GOSR1: variants seen among roughly 807,000 people sequenced by gnomAD.
The protein encoded by GOSR1 is 28 kDa Golgi SNARE protein.
GOSR1 carries 21 observed loss-of-function variants against 35.5 expected under a neutral mutation model. The observed-to-expected ratio is 0.59, with a 90% CI of 0.42 to 0.85. The LOEUF (loss-of-function observed/expected upper bound fraction) is 0.85, where lower values mean the gene tolerates loss of function less well. Ranked by LOEUF, GOSR1 falls within the 40% of genes least tolerant of loss-of-function variation. The pLI is 0.00. For synonymous variants in GOSR1, 94 were observed against 106.6 expected, an observed-to-expected ratio of 0.88 and a Z score of 0.73; for missense variants, 285 against 309.6, an observed-to-expected ratio of 0.92 and a Z score of 0.60.
At position 30,488,463 on chromosome 17, in the gene GOSR1, C is replaced by T. The variant is rs1914819521; in HGVS notation, c.343-1663C>T. ...ACAGGCGTGAGCCACTGCGCCCAGCCTAAATATAGTTTTTTTTAAAATAAA... is the reference window on the plus strand; with the variant it reads ...ACAGGCGTGAGCCACTGCGCCCAGCTTAAATATAGTTTTTTTTAAAATAAA... On this transcript the variant is annotated intron_variant, in intron 4 of 8. Transcript: ENST00000451249. Among the ~76,000 whole-genome samples, 4 of 151,730 alleles carry T rather than the reference C, an allele frequency of 2.6e-5. No homozygotes were observed. The South Asian group carries it at 8.3e-4, about 32-fold the overall frequency.
intron 7 of GOSR1, among the ~76,000 whole-genome samples, chr17:30,515,294 A>ATTTTTTTTTTTTTTTTTTTTT (rs35911853): frequency 7.2e-6 from 1 of 139,524 alleles, no homozygotes. Context: ...TGCCCAGCTA[A>ATTTTTTTTTTTTTTTTTTTTT]TTTTTTTTTT....
Position 30,500,013 on chromosome 17 carries a change from T to C in GOSR1, c.509+7260T>C, listed in dbSNP as rs79450869. 2.4e-4 allele frequency among the ~76,000 whole-genome samples: 37 copies of C among 152,348 alleles called. 3 individuals are homozygous for C. The East Asian group carries it at 7.1e-3, about 29-fold the overall frequency. Reference sequence around the variant, plus strand: ...AGTAAGGGGGTCTGTTCAAGTCTTTTTGCCTTTTGTTGTGGGCTTTTTTCT... The same window carrying C: ...AGTAAGGGGGTCTGTTCAAGTCTTTCTGCCTTTTGTTGTGGGCTTTTTTCT... On this transcript the variant is annotated intron_variant, in intron 6 of 8. Transcript: ENST00000451249.
At chr17:30,499,858 G>T (rs981315801) in intron 6 of GOSR1, among the ~76,000 whole-genome samples, 1 of 152,076 alleles carries the variant, frequency 6.6e-6, no homozygotes, top group Non-Finnish European at 1.5e-5. Flanking sequence ...TTTTTATTGT[G>T]GTTTTGATTT....
chr17:30,499,058 T>C (rs923321378), intron 6 of GOSR1, among the ~76,000 whole-genome samples: 2 of 152,204 alleles, frequency 1.3e-5, no homozygotes, highest in African/African-American at 2.4e-5. Context: ...TTTCTATCAC[T>C]ATAGATTAGT....
intron 2 of GOSR1, among the ~76,000 whole-genome samples, chr17:30,483,432 TTTCC>T (rs1914480092): frequency 6.6e-6 from 1 of 152,236 alleles, no homozygotes; most frequent in African/African-American, 2.4e-5. Flanking sequence ...AGAGCAGTTT[TTTCC>T]TTCCTTCATG....
At chr17:30,503,991 A>C (rs931952608) in intron 6 of GOSR1, among the ~76,000 whole-genome samples, 1 of 150,416 alleles carries the variant, frequency 6.6e-6, no homozygotes, top group Non-Finnish European at 1.5e-5. Context: ...ATTTGGGATT[A>C]TAATTTTCAT....
intron 6 of GOSR1, among the ~76,000 whole-genome samples, chr17:30,505,911 A>G (rs961432140): frequency 6.6e-6 from 1 of 152,232 alleles, no homozygotes; most frequent in African/African-American, 2.4e-5. Flanking sequence ...AATTGTTTGT[A>G]TAGACAAGGT....
chr17:30,498,909 G>A (rs1001521873), intron 6 of GOSR1, among the ~76,000 whole-genome samples: 1 of 152,124 alleles, frequency 6.6e-6, no homozygotes, highest in African/African-American at 2.4e-5. Flanking sequence ...TTTACAGTTT[G>A]GTACGTTTTA....
intron 1 of GOSR1, chr17:30,477,880 T>C (rs915660339): frequency 8.1e-6 from 8 of 985,152 alleles, no homozygotes; most frequent in Non-Finnish European, 9.6e-6. Context: ...GAGGTCACTA[T>C]TGGAAAACTG....
At chr17:30,499,825 C>T (rs967586154) in intron 6 of GOSR1, among the ~76,000 whole-genome samples, 9 of 152,132 alleles carry the variant, frequency 5.9e-5, no homozygotes, top group African/African-American at 1.7e-4. Flanking sequence ...TCTATTGTAA[C>T]CATTTTAGTA....
At chr17:30,480,214 G>GC (rs1914244797) in intron 1 of GOSR1, 1 of 151,880 alleles carries the variant, frequency 6.6e-6, no homozygotes, top group Non-Finnish European at 1.5e-5. Flanking sequence ...GGTAGTTGAG[G>GC]CATGAGAGTT....
intron 6 of GOSR1, among the ~76,000 whole-genome samples, chr17:30,504,606 T>C (rs1457160337): frequency 6.6e-6 from 1 of 152,222 alleles, no homozygotes; most frequent in Non-Finnish European, 1.5e-5. Context: ...TAAAATGTGA[T>C]TTAAATTGGT....
At chr17:30,479,207 T>C (rs1914166112) in intron 1 of GOSR1, 1 of 152,252 alleles carries the variant, frequency 6.6e-6, no homozygotes, top group African/African-American at 2.4e-5. Context: ...TGAAATAATG[T>C]TTTGTATTCT....
At chr17:30,487,892 C>T (rs562226706) in intron 4 of GOSR1, among the ~76,000 whole-genome samples, 1 of 152,188 alleles carries the variant, frequency 6.6e-6, no homozygotes, top group Admixed American at 6.5e-5. Flanking sequence ...TCTTCTGCCT[C>T]GGCCTCCCGA....
intron 7 of GOSR1, among the ~76,000 whole-genome samples, chr17:30,516,687 A>G (rs1967829591): frequency 6.6e-6 from 1 of 152,036 alleles, no homozygotes; most frequent in South Asian, 2.1e-4. Context: ...TGTTATAAAC[A>G]TCCCTTCAAG....
chr17:30,504,398 A>C (rs1013390507), intron 6 of GOSR1, among the ~76,000 whole-genome samples: 20 of 152,150 alleles, frequency 1.3e-4, no homozygotes, highest in Admixed American at 2.0e-4. Context: ...ATTGCTGTAA[A>C]ATTACTGTAA....
At chr17:30,506,043 C>T (rs1417787210) in intron 6 of GOSR1, among the ~76,000 whole-genome samples, 1 of 152,156 alleles carries the variant, frequency 6.6e-6, no homozygotes, top group Admixed American at 6.5e-5. Context: ...TGTGTGTGTT[C>T]TGACTGTGTC....
intron 1 of GOSR1, chr17:30,478,849 C>T (rs941348205): frequency 6.6e-6 from 1 of 152,234 alleles, no homozygotes; most frequent in African/African-American, 2.4e-5. Context: ...CCCACCGCGC[C>T]TGGCCGCTAG....
chr17:30,521,941 T>C (rs531157615), intron 8 of GOSR1, among the ~76,000 whole-genome samples: 2 of 152,330 alleles, frequency 1.3e-5, no homozygotes, highest in East Asian at 1.9e-4. Context: ...GCTCCCACCC[T>C]GACCTGAAGC....
Sources: gnomAD v4.1 joint callset for allele counts (sites outside exome capture counted in the v4.1 genomes callset) on GRCh38, gnomAD v4.1.1 for gene constraint, MANE v1.5 for transcripts, NCBI Gene and HGNC (gene_info 2026-07-23, HGNC 2026-07-21) for gene names.